Variants in MAGI2 observed in about 807,000 individuals in gnomAD.
MAGI2 encodes membrane associated guanylate kinase, WW and PDZ domain containing 2.
MAGI2 carries 35 observed loss-of-function variants against 133.3 expected under a neutral mutation model. The ratio of observed to expected loss-of-function variants is 0.26; its 90% CI spans 0.20 to 0.35. The LOEUF (loss-of-function observed/expected upper bound fraction) is 0.35, where lower values mean the gene tolerates loss of function less well. MAGI2 is among the 10% of genes least tolerant of loss of function. The pLI is 1.00. For synonymous variants in MAGI2, 729 were observed against 710.6 expected (o/e 1.03, Z -0.41); for missense variants, 1,636 against 1,863.4 (o/e 0.88, Z 2.25).
At chr7:79,339,914 T>C (rs1840763642) in intron 1 of MAGI2, among the ~76,000 whole-genome samples, 2 of 152,108 alleles carry the variant, frequency 1.3e-5, no homozygotes, top group East Asian at 1.9e-4. Context: ...ATCTTTTTGG[T>C]TGGCCATTTA....
chr7:78,887,958 G>A (rs1337942182), intron 2 of MAGI2, among the ~76,000 whole-genome samples: 3 of 152,228 alleles, frequency 2.0e-5, no homozygotes, highest in Non-Finnish European at 4.4e-5. Context: ...AGTGCAAGGG[G>A]TCAGGGAATT....
chr7:78,747,226 C>T (rs1049865904), intron 2 of MAGI2, among the ~76,000 whole-genome samples: 3 of 152,070 alleles, frequency 2.0e-5, no homozygotes, highest in Non-Finnish European at 4.4e-5. Flanking sequence ...ATTGATTTCT[C>T]TCAAAAGGGA....
chr7:78,963,515 A>G (rs1803040192), intron 2 of MAGI2, among the ~76,000 whole-genome samples: 1 of 152,058 alleles, frequency 6.6e-6, no homozygotes, highest in African/African-American at 2.4e-5. Flanking sequence ...TTATATTTTC[A>G]AAATATATTT....
intron 10 of MAGI2, chr7:78,254,632 C>T (rs1468685936): frequency 6.6e-6 from 1 of 152,128 alleles, no homozygotes; most frequent in Non-Finnish European, 1.5e-5. Flanking sequence ...CTGTCCGTTT[C>T]CAAACAAGGA....
chr7:78,887,747 G>T (rs772543815), intron 2 of MAGI2, among the ~76,000 whole-genome samples: 1 of 152,180 alleles, frequency 6.6e-6, no homozygotes, highest in East Asian at 1.9e-4. Context: ...TCCAAATCAG[G>T]GTTGAGCCAA....
intron 1 of MAGI2, among the ~76,000 whole-genome samples, chr7:79,426,486 T>G (rs1407642111): frequency 2.0e-5 from 3 of 152,148 alleles, no homozygotes; most frequent in Non-Finnish European, 4.4e-5. Flanking sequence ...AATTATGAAA[T>G]TAAGAAATTT....
At position 78,851,544 on chromosome 7, in the gene MAGI2, C is replaced by A. The variant is rs549013011; in HGVS notation, c.418+155546G>T. Among the ~76,000 whole-genome samples the A allele has an allele frequency of 1.8e-3, 279 of 152,228 alleles. 4 individuals are homozygous for A. The highest frequency in any genetic ancestry group is 2.6e-3 in the Non-Finnish European group (178 of 67,998). On this transcript the variant is annotated intron_variant, in intron 2 of 21. Coordinates refer to ENST00000354212, the MANE Select transcript of MAGI2 (RefSeq NM_012301.4). The stretch of plus-strand genomic sequence containing the variant: ...CCTGTATATTCCTCCCAGATCTCAC[C>A]CCTCTGTGGTCATCCCCAAGGTTTG...
intron 2 of MAGI2, among the ~76,000 whole-genome samples, chr7:78,691,895 C>CT (rs1816995498): frequency 6.6e-6 from 1 of 152,058 alleles, no homozygotes; most frequent in Non-Finnish European, 1.5e-5. Context: ...CTAATGTTTA[C>CT]TATGGACTTT....
chr7:78,814,027 A>G (rs1789334712), intron 2 of MAGI2, among the ~76,000 whole-genome samples: 1 of 152,194 alleles, frequency 6.6e-6, no homozygotes. Context: ...CAATAAATCA[A>G]GAAAATGAAA....
chr7:78,876,820 A>T (rs923504061), intron 2 of MAGI2, among the ~76,000 whole-genome samples: 1 of 152,184 alleles, frequency 6.6e-6, no homozygotes, highest in African/African-American at 2.4e-5. Context: ...GCTCCCCATC[A>T]TTGAAGATGA....
At chr7:79,346,151 C>T (rs1016860464) in intron 1 of MAGI2, among the ~76,000 whole-genome samples, 3 of 151,894 alleles carry the variant, frequency 2.0e-5, no homozygotes, top group Non-Finnish European at 2.9e-5. Flanking sequence ...GGTTGTCATT[C>T]GGGCCTAATT....
intron 6 of MAGI2, among the ~76,000 whole-genome samples, chr7:78,428,551 A>G (rs1278334790): frequency 6.6e-6 from 1 of 152,194 alleles, no homozygotes; most frequent in Non-Finnish European, 1.5e-5. Context: ...GTCAAAAAGT[A>G]TATTTAAAAA....
intron 6 of MAGI2, among the ~76,000 whole-genome samples, chr7:78,380,962 A>G (rs1449011310): frequency 2.0e-5 from 3 of 152,328 alleles, no homozygotes; most frequent in Admixed American, 6.5e-5. Context: ...AGGAAAATAT[A>G]ATTGATGGAA....
chr7:78,709,989 T>C (rs1187973842), intron 2 of MAGI2, among the ~76,000 whole-genome samples: 2 of 152,104 alleles, frequency 1.3e-5, no homozygotes, highest in Non-Finnish European at 2.9e-5. Flanking sequence ...CTAGAAGTCA[T>C]CAAACCTTCA....
intron 6 of MAGI2, among the ~76,000 whole-genome samples, chr7:78,436,310 A>G (rs911589385): frequency 1.1e-4 from 17 of 151,844 alleles, no homozygotes; most frequent in African/African-American, 3.1e-4. Context: ...GTGAAAACCA[A>G]TGAGGTGAAA....
intron 3 of MAGI2, among the ~76,000 whole-genome samples, chr7:78,532,413 G>C (rs1399476926): frequency 1.3e-5 from 2 of 152,180 alleles, no homozygotes; most frequent in African/African-American, 4.8e-5. Context: ...TTCTGGGAAA[G>C]TGATTGTGGT....
intron 1 of MAGI2, among the ~76,000 whole-genome samples, chr7:79,346,600 C>T (rs1841332474): frequency 6.6e-6 from 1 of 151,950 alleles, no homozygotes; most frequent in African/African-American, 2.4e-5. Flanking sequence ...CTGAGTCTTT[C>T]TTCAGTTCTC....
chr7:78,694,577 CTTACT>C (rs377656320), intron 2 of MAGI2, among the ~76,000 whole-genome samples: 14 of 152,250 alleles, frequency 9.2e-5, no homozygotes, highest in East Asian at 5.8e-4. Flanking sequence ...GTGCCCACAA[CTTACT>C]TTAAAGAGTT....
intron 21 of MAGI2, among the ~76,000 whole-genome samples, chr7:78,074,870 T>C (rs1815106565): frequency 6.6e-6 from 1 of 152,232 alleles, no homozygotes; most frequent in Admixed American, 6.5e-5. Flanking sequence ...TGGCCACTTC[T>C]CTGGCTTGCT....
Sources: gnomAD v4.1 joint callset for allele counts (sites outside exome capture counted in the v4.1 genomes callset) on GRCh38, gnomAD v4.1.1 for gene constraint, MANE v1.5 for transcripts, NCBI Gene and HGNC (gene_info 2026-07-23, HGNC 2026-07-21) for gene names.